ACSS3: variants seen among roughly 807,000 people sequenced by gnomAD.
ACSS3 encodes acyl-CoA synthetase short-chain family member 3, mitochondrial.
In ACSS3, 64 loss-of-function variants were observed where a neutral mutation model predicts 84.2. That is an observed-to-expected ratio of 0.76 (90% CI 0.62 to 0.94). ACSS3 has a LOEUF of 0.94. ACSS3 is among the 40% of genes least tolerant of loss of function. The probability of loss-of-function intolerance (pLI) is 0.00; values close to 1 mark genes in which losing one functional copy is unlikely to be tolerated. For synonymous variants in ACSS3, 317 were observed against 310.1 expected (o/e 1.02, Z -0.23); for missense variants, 815 against 867.6 (o/e 0.94, Z 0.76).
intron 5 of ACSS3, among the ~76,000 whole-genome samples, chr12:81,146,055 A>C (rs1397716387): frequency 6.6e-6 from 1 of 152,218 alleles, no homozygotes; most frequent in Non-Finnish European, 1.5e-5. Flanking sequence ...TCTTATAGAT[A>C]TTAGTTTTTA....
intron 2 of ACSS3, among the ~76,000 whole-genome samples, chr12:81,122,053 C>A (rs1049336142): frequency 1.3e-5 from 2 of 151,816 alleles, no homozygotes; most frequent in Non-Finnish European, 2.9e-5. Context: ...CTGCCTCAGC[C>A]TCCAGAGTAG....
chr12:81,166,985 C>G (rs961558455), intron 7 of ACSS3, among the ~76,000 whole-genome samples: 3 of 152,206 alleles, frequency 2.0e-5, no homozygotes, highest in Admixed American at 6.5e-5. Context: ...GGCAGAGTGA[C>G]TGCACATCCA....
intron 2 of ACSS3, 28 bp downstream of exon 2, chr12:81,109,732 A>C: frequency 6.8e-7 from 1 of 1,474,474 alleles, no homozygotes; most frequent in Non-Finnish European, 9.1e-7. Context: ...ATATATGTAT[A>C]TATGAATTCA....
At chr12:81,213,869 T>TC (rs1229649157) in intron 9 of ACSS3, among the ~76,000 whole-genome samples, 2 of 126,276 alleles carry the variant, frequency 1.6e-5, no homozygotes, top group African/African-American at 2.8e-5. Flanking sequence ...TCTTCCTTTC[T>TC]TTCTTTCTTT....
At chr12:81,189,012 G>C (rs1445116803) in intron 8 of ACSS3, among the ~76,000 whole-genome samples, 1 of 151,992 alleles carries the variant, frequency 6.6e-6, no homozygotes, top group Non-Finnish European at 1.5e-5. Flanking sequence ...TCATCTTGGA[G>C]TTATTCCCCC....
At position 81,234,883 on chromosome 12, in the gene ACSS3, G is replaced by GA. The variant is rs1481505846; in HGVS notation, c.1719+1419dup. On this transcript the variant is annotated intron_variant, in intron 13 of 15. Coordinates refer to ENST00000548058, the MANE Select transcript of ACSS3 (RefSeq NM_024560.4). Reference sequence around the variant, plus strand: ...TTTTATTAAAAGTGTCCATAACAGAGAAAAAAATACTTTTCATTTTGATGA... The same window carrying GA: ...TTTTATTAAAAGTGTCCATAACAGAGAAAAAAAATACTTTTCATTTTGATGA... 5.3e-5 allele frequency among the ~76,000 whole-genome samples: 8 copies of GA among 150,938 alleles called. No homozygotes were observed. In the Admixed American group the frequency reaches 5.3e-4, roughly 10 times the overall value.
At chr12:81,135,394 A>G (rs1885743705) in intron 3 of ACSS3, among the ~76,000 whole-genome samples, 1 of 144,046 alleles carries the variant, frequency 6.9e-6, no homozygotes, top group Non-Finnish European at 1.5e-5. Context: ...ATAATACAAT[A>G]ATACTTAAAT....
At chr12:81,151,120 T>C (rs1435607492) in intron 5 of ACSS3, among the ~76,000 whole-genome samples, 1 of 152,214 alleles carries the variant, frequency 6.6e-6, no homozygotes, top group Non-Finnish European at 1.5e-5. Context: ...AGTGTTCAAA[T>C]ATTAATCTTT....
intron 13 of ACSS3, among the ~76,000 whole-genome samples, chr12:81,238,748 CT>C (rs557944731): frequency 3.6e-4 from 54 of 149,984 alleles, no homozygotes; most frequent in African/African-American, 1.2e-3. Context: ...TTGTCTCTTC[CT>C]TTTTTTTTCC....
chr12:81,109,326 T>A (rs1883367645), intron 1 of ACSS3, among the ~76,000 whole-genome samples: 1 of 152,142 alleles, frequency 6.6e-6, no homozygotes, highest in Non-Finnish European at 1.5e-5. Context: ...GCTGGAAGTG[T>A]GAGGTATGTA....
At chr12:81,194,940 T>G (rs2031754276) in intron 8 of ACSS3, among the ~76,000 whole-genome samples, 1 of 151,978 alleles carries the variant, frequency 6.6e-6, no homozygotes, top group Non-Finnish European at 1.5e-5. Flanking sequence ...AATCTGTATT[T>G]TAGTTTTTTA....
In ACSS3 at chr12:81,256,287, A is replaced by T. The variant is rs954522634; in HGVS notation, c.*1365A>T. On this transcript the variant is annotated 3_prime_UTR_variant, in exon 16 of 16. Coordinates refer to ENST00000548058, the MANE Select transcript of ACSS3 (RefSeq NM_024560.4). Reference sequence around the variant, plus strand: ...TTTTATGTGAAATCTCTAATTTTAAAATAATAACTCATTAAAAATATTGTA... The same window carrying T: ...TTTTATGTGAAATCTCTAATTTTAATATAATAACTCATTAAAAATATTGTA... 1 of 152,206 alleles carries T rather than the reference A, an allele frequency of 6.6e-6. No homozygotes were observed. The highest frequency in any genetic ancestry group is 2.4e-5 in the African/African-American group (1 of 41,466). 9.4% of individuals were successfully genotyped at this position (152,206 alleles called of 1,614,324 possible).
At chr12:81,197,474 G>A (rs763819769) in intron 8 of ACSS3, among the ~76,000 whole-genome samples, 1 of 152,034 alleles carries the variant, frequency 6.6e-6, no homozygotes, top group Non-Finnish European at 1.5e-5. Flanking sequence ...CTATCTCTTT[G>A]TAATACCCTC....
intron 13 of ACSS3, among the ~76,000 whole-genome samples, chr12:81,252,576 A>C (rs1457129448): frequency 6.6e-6 from 1 of 152,122 alleles, no homozygotes; most frequent in Non-Finnish European, 1.5e-5. Context: ...AAAATTTTGA[A>C]TATGCATTTT....
chr12:81,160,065 C>T (rs879796268), intron 7 of ACSS3, among the ~76,000 whole-genome samples: 6 of 152,222 alleles, frequency 3.9e-5, no homozygotes, highest in Admixed American at 6.5e-5. Context: ...AATGAGATTA[C>T]TGTTCCTTGG....
At chr12:81,171,819 T>C (rs1194778767) in intron 7 of ACSS3, among the ~76,000 whole-genome samples, 2 of 152,164 alleles carry the variant, frequency 1.3e-5, no homozygotes, top group Non-Finnish European at 1.5e-5. Context: ...TAGAGTATAC[T>C]TACACAAACC....
chr12:81,155,542 C>T (rs967789551), intron 7 of ACSS3, among the ~76,000 whole-genome samples: 16 of 152,316 alleles, frequency 1.1e-4, no homozygotes, highest in African/African-American at 3.8e-4. Flanking sequence ...TTAATGTTAC[C>T]TCCATTCATG....
chr12:81,086,402 A>G (rs1881313680), intron 1 of ACSS3, among the ~76,000 whole-genome samples: 1 of 152,170 alleles, frequency 6.6e-6, no homozygotes, highest in South Asian at 2.1e-4. Context: ...CTTATTTTAT[A>G]TTCTGAAGGT....
chr12:81,126,938 C>G (rs2121549668), intron 2 of ACSS3, among the ~76,000 whole-genome samples: 1 of 151,952 alleles, frequency 6.6e-6, no homozygotes, highest in African/African-American at 2.4e-5. Context: ...TATCAGATAA[C>G]TATTTTGAAT....
Sources: gnomAD v4.1 joint callset for allele counts (sites outside exome capture counted in the v4.1 genomes callset) on GRCh38, gnomAD v4.1.1 for gene constraint, MANE v1.5 for transcripts, NCBI Gene and HGNC (gene_info 2026-07-23, HGNC 2026-07-21) for gene names.